Variants in PSD4 observed in about 807,000 individuals in gnomAD.
PSD4 encodes pleckstrin and Sec7 domain containing 4, also known as PH and SEC7 domain-containing protein 4.
A neutral mutation model predicts 112.5 loss-of-function variants in PSD4; 59 were observed. The observed-to-expected ratio is 0.52, with a 90% CI of 0.43 to 0.65. The LOEUF is 0.65. Among genes scored for constraint, PSD4 ranks in the 30% least tolerant of loss-of-function variants. The probability of loss-of-function intolerance (pLI) is 0.00; values close to 1 mark genes in which losing one functional copy is unlikely to be tolerated. For synonymous variants in PSD4, 533 were observed against 540.0 expected, an observed-to-expected ratio of 0.99 and a Z score of 0.18; for missense variants, 1,267 against 1,352.6, an observed-to-expected ratio of 0.94 and a Z score of 0.99.
At chr2:113,185,697 A>G (rs1477373776) in intron 4 of PSD4, 180 bp from the exon 5 acceptor site, 2 of 1,548,686 alleles carry the variant, frequency 1.3e-6, no homozygotes, top group Admixed American at 2.0e-5. Flanking sequence ...TGGAGGCTTG[A>G]GTCCTGGGAG....
rs986801878 is a variant in PSD4 at position 113,202,384 on chromosome 2, G to C, written c.*969G>C. ...GTTGTGAGGGATGGGACGGAGGCTG[G>C]CGACCAGGCGAGGCCTAGGCCAGGC... is the stretch of plus-strand genomic sequence containing the variant. On this transcript the variant is annotated 3_prime_UTR_variant, in exon 17 of 17. Coordinates refer to ENST00000245796, the MANE Select transcript of PSD4 (RefSeq NM_012455.3). 1 of 152,360 alleles carries C rather than the reference G, an allele frequency of 6.6e-6. No homozygotes were observed. Among genetic ancestry groups the C allele is most frequent in the East Asian group, 1.9e-4 (1 of 5,194 alleles). The allele number at this position is 152,360 out of a possible 1,614,324, so 9.4% of individuals were successfully genotyped here.
At chr2:113,188,838 G>C (rs912316348) in intron 5 of PSD4, among the ~76,000 whole-genome samples, 1 of 152,204 alleles carries the variant, frequency 6.6e-6, no homozygotes, top group Non-Finnish European at 1.5e-5. Context: ...AAAGTGCTGG[G>C]ATTATAGGCG....
chr2:113,181,214 C>T (rs1688128482), intron 1 of PSD4, among the ~76,000 whole-genome samples: 1 of 139,674 alleles, frequency 7.2e-6, no homozygotes, highest in East Asian at 2.1e-4. Flanking sequence ...GGTGACAGAG[C>T]GAGACTCTGT....
intron 1 of PSD4, among the ~76,000 whole-genome samples, chr2:113,180,889 T>A (rs1688114420): frequency 6.6e-6 from 1 of 151,926 alleles, no homozygotes; most frequent in Admixed American, 6.6e-5. Flanking sequence ...AAGATAGAAA[T>A]CTGTGAGTGA....
Position 113,203,293 on chromosome 2 carries a change from G to C in PSD4, c.*1878G>C, listed in dbSNP as rs45473901. The C allele has an allele frequency of 6.0e-4, 91 of 152,318 alleles. No homozygotes were observed. The highest frequency in any genetic ancestry group is 2.2e-3 in the African/African-American group (90 of 41,572). 9.4% of individuals were successfully genotyped at this position (152,318 alleles called of 1,614,324 possible). A position where few individuals can be genotyped will look rare whatever the true frequency, so the allele number is the denominator to read the frequency against. ...ACAGAGGCACTTTTATCTTGCTGGG[G>C]AAGTGTGCTGAAAAGACACATTCCC... On this transcript the variant is annotated 3_prime_UTR_variant, in exon 17 of 17. Coordinates refer to ENST00000245796, the MANE Select transcript of PSD4 (RefSeq NM_012455.3).
At chr2:113,198,159 A>T in intron 14 of PSD4, 1 of 468,158 alleles carries the variant, frequency 2.1e-6, no homozygotes. Flanking sequence ...TTTCCTTGTC[A>T]GTGGGATAAA....
intron 5 of PSD4, among the ~76,000 whole-genome samples, chr2:113,189,640 A>G (rs1266482892): frequency 1.3e-5 from 2 of 152,200 alleles, no homozygotes; most frequent in African/African-American, 4.8e-5. Context: ...CCAGCAGTGT[A>G]GAAGCGTTCC....
rs1573384387 is a variant in PSD4, at chr2:113,203,237, A to G, written c.*1822A>G. Reference sequence around the variant, plus strand: ...ATGTCCCTGACTCCATGAGTTGACAATCTTGCCCACTGGTTTCCTGCTCTC... The same window carrying G: ...ATGTCCCTGACTCCATGAGTTGACAGTCTTGCCCACTGGTTTCCTGCTCTC... On this transcript the variant is annotated 3_prime_UTR_variant, in exon 17 of 17. Transcript: ENST00000245796. 1.3e-5 allele frequency: 2 copies of G among 152,224 alleles called. No homozygotes were observed. Among genetic ancestry groups the G allele is most frequent in the African/African-American group, 2.4e-5 (1 of 41,444 alleles). The allele number at this position is 152,224 out of a possible 1,614,324, so 9.4% of individuals were successfully genotyped here.
Position 113,186,108 on chromosome 2 carries a change from A to C in PSD4, c.1481A>C (p.Glu494Ala). 7 of 1,614,236 alleles carry C rather than the reference A, an allele frequency of 4.3e-6. No individual in the cohort carries two copies. The highest frequency in any genetic ancestry group is 5.9e-6 in the Non-Finnish European group (7 of 1,180,058). Residue 494 changes from glutamate to alanine, a missense_variant, in exon 5 of 17, where the codon GAG becomes GCG. Physicochemically the swap from Glu to Ala is moderately radical, Grantham distance 107. Coordinates refer to ENST00000245796, the MANE Select transcript of PSD4 (RefSeq NM_012455.3). Reference protein sequence around the residue: ...TLDASQSSLLETDGEQPSSLK... With the variant: ...TLDASQSSLLATDGEQPSSLK... ...GATGCTTCACAGTCTTCACTCTTGG[A>C]GACGGATGGGGAACAGCCAAGTTCC... is the stretch of plus-strand genomic sequence containing the variant.
Position 113,197,550 on chromosome 2 carries a change from T to C in PSD4, c.2387-14T>C, listed in dbSNP as rs376639023. On this transcript the variant is annotated splice_polypyrimidine_tract_variant and intron_variant, in intron 12 of 16. Coordinates refer to ENST00000245796, the MANE Select transcript of PSD4 (RefSeq NM_012455.3). Reference sequence around the variant, plus strand: ...GCCCCCACCTACAACATTTGTGTTCTGTTCCTGGAACAGCGCCATGGGGCA... The same window carrying C: ...GCCCCCACCTACAACATTTGTGTTCCGTTCCTGGAACAGCGCCATGGGGCA... The C allele has an allele frequency of 1.4e-5, 23 of 1,614,040 alleles. No individual in the cohort carries two copies. The East Asian group carries it at 2.7e-4, about 19-fold the overall frequency.
At chr2:113,192,294 C>G (rs1688463843) in intron 5 of PSD4, 86 bp from the exon 6 acceptor site, 3 of 1,349,122 alleles carry the variant, frequency 2.2e-6, no homozygotes, top group Non-Finnish European at 3.2e-6. Flanking sequence ...CGGGCCCCAC[C>G]ATTCAAGGCG....
At position 113,183,053 on chromosome 2, in the gene PSD4, G is replaced by C. The variant is rs558053660; in HGVS notation, c.597G>C (p.Thr199=). 1 of 1,612,972 alleles carries C rather than the reference G, an allele frequency of 6.2e-7. No individual in the cohort carries two copies. The highest frequency in any genetic ancestry group is 8.5e-7 in the Non-Finnish European group (1 of 1,179,244). The stretch of plus-strand genomic sequence containing the variant: ...CCCCTGTGGACCTCCCCGGGGACAC[G>C]GGCCTGCACTCCAGCCCACCTGAGA... ...PTPPVDLPGD[T]GLHSSPPENE... Residue 199 remains threonine (T), a synonymous_variant, in exon 2 of 17, where the codon ACG becomes ACC. Coordinates refer to ENST00000245796, the MANE Select transcript of PSD4 (RefSeq NM_012455.3).
chr2:113,182,292 C>T, intron 1 of PSD4, 54 bp from the exon 2 acceptor site: 2 of 649,690 alleles, frequency 3.1e-6, no homozygotes, highest in East Asian at 5.5e-5. Flanking sequence ...TACACACGTG[C>T]CTCCAGAGGC....
At position 113,182,666 on chromosome 2, in the gene PSD4, G is replaced by A. The variant is rs1189318818; in HGVS notation, c.210G>A (p.Val70=). ...ATGTTCCTCCCTGGGGCTCCGGTGT[G>A]GAGCTCACACACCTGGGGAGCTGGG... The part of the protein sequence containing the change: ...RQNVPPWGSG[V]ELTHLGSWVH... The change falls in exon 2 of 17, where the codon GTG becomes GTA. Residue 70 remains valine, a synonymous_variant. Coordinates refer to ENST00000245796, the MANE Select transcript of PSD4 (RefSeq NM_012455.3). 1.5e-5 allele frequency: 25 copies of A among 1,612,950 alleles called. No homozygotes were observed. In the East Asian group the frequency reaches 5.6e-4, roughly 36 times the overall value.
chr2:113,188,511 G>C (rs1688361795), intron 5 of PSD4, among the ~76,000 whole-genome samples: 1 of 152,202 alleles, frequency 6.6e-6, no homozygotes, highest in Admixed American at 6.5e-5. Flanking sequence ...ACTCGCCTCA[G>C]TCTGTCAAAG....
chr2:113,193,244 G>A lies in PSD4; in HGVS notation c.1920-14G>A. 6.3e-7 allele frequency: 1 copy of A among 1,579,594 alleles called. No homozygotes were observed. Among genetic ancestry groups the A allele is most frequent in the Non-Finnish European group, 8.6e-7 (1 of 1,163,776 alleles). ...CTCCCGGGCTCTCTCCTTGACCCTG[G>A]CCCTCCTTTGCAGGAGCTTCCTCCA... On this transcript the variant is annotated splice_polypyrimidine_tract_variant and intron_variant, in intron 7 of 16. Coordinates refer to ENST00000245796, the MANE Select transcript of PSD4 (RefSeq NM_012455.3).
chr2:113,180,862 C>G (rs1688113603), intron 1 of PSD4, among the ~76,000 whole-genome samples: 1 of 152,064 alleles, frequency 6.6e-6, no homozygotes, highest in Non-Finnish European at 1.5e-5. Context: ...AGCTCACAAG[C>G]ACGCACGTAA....
rs1014376301 is a variant in PSD4, at chr2:113,204,081, A to C, written c.*2666A>C. On this transcript the variant is annotated 3_prime_UTR_variant, in exon 17 of 17. Coordinates refer to ENST00000245796, the MANE Select transcript of PSD4 (RefSeq NM_012455.3). The stretch of plus-strand genomic sequence containing the variant: ...CTGGGTTGTGGGCTGCAGTTATGAC[A>C]TGTGACCACTTGGAGGCAGGCTTGC... 1 of 152,296 alleles carries C rather than the reference A, an allele frequency of 6.6e-6. No homozygotes were observed. The highest frequency in any genetic ancestry group is 2.4e-5 in the African/African-American group (1 of 41,458). The allele number at this position is 152,296 out of a possible 1,614,324, so 9.4% of individuals were successfully genotyped here. A position where few individuals can be genotyped will look rare whatever the true frequency, so the allele number is the denominator to read the frequency against.
chr2:113,189,845 A>T (rs1319512962), intron 5 of PSD4, among the ~76,000 whole-genome samples: 1 of 152,034 alleles, frequency 6.6e-6, no homozygotes, highest in Non-Finnish European at 1.5e-5. Flanking sequence ...TCCTTAGCCC[A>T]CTTCTTGATG....
Sources: gnomAD v4.1 joint callset for allele counts (sites outside exome capture counted in the v4.1 genomes callset) on GRCh38, gnomAD v4.1.1 for gene constraint, MANE v1.5 for transcripts, NCBI Gene and HGNC (gene_info 2026-07-23, HGNC 2026-07-21) for gene names.